Variants in PRORP observed in about 807,000 individuals in gnomAD.
The protein encoded by PRORP is mitochondrial ribonuclease P catalytic subunit.
PRORP carries 51 observed loss-of-function variants against 59.4 expected under a neutral mutation model. That is an observed-to-expected ratio of 0.86 (90% CI 0.69 to 1.08). PRORP has a LOEUF of 1.08. Ranked by LOEUF, PRORP falls within the 50% of genes least tolerant of loss-of-function variation. The pLI is 0.00. For synonymous variants in PRORP, 231 were observed against 245.6 expected (o/e 0.94, Z 0.55); for missense variants, 646 against 690.3 (o/e 0.94, Z 0.72).
intron 5 of PRORP, among the ~76,000 whole-genome samples, chr14:35,184,819 C>T (rs888603737): frequency 3.3e-5 from 5 of 152,152 alleles, no homozygotes; most frequent in African/African-American, 9.7e-5. Context: ...ATAATAGCCT[C>T]CATCTCCATC....
At chr14:35,166,113 T>G (rs1011436431) in intron 4 of PRORP, among the ~76,000 whole-genome samples, 1 of 152,210 alleles carries the variant, frequency 6.6e-6, no homozygotes, top group Admixed American at 6.5e-5. Flanking sequence ...TCTCTGTCCC[T>G]TATATCCATA....
chr14:35,150,687 T>TA (rs1566458080), intron 4 of PRORP, among the ~76,000 whole-genome samples: 1 of 152,190 alleles, frequency 6.6e-6, no homozygotes, highest in Non-Finnish European at 1.5e-5. Flanking sequence ...ACTTTCCTCC[T>TA]AAAGCCTAGC....
intron 5 of PRORP, chr14:35,235,240 C>T (rs905435055): frequency 1.4e-6 from 1 of 726,294 alleles, no homozygotes; most frequent in Non-Finnish European, 2.5e-6. Context: ...GAGCCACAGA[C>T]TTGGGACCCA....
At chr14:35,236,921 C>A (rs2050230251) in intron 5 of PRORP, among the ~76,000 whole-genome samples, 1 of 149,694 alleles carries the variant, frequency 6.7e-6, no homozygotes, top group African/African-American at 2.5e-5. Context: ...CATCTTCTTT[C>A]TTTCTCTCTC....
intron 5 of PRORP, among the ~76,000 whole-genome samples, chr14:35,221,948 G>A (rs777463996): frequency 4.6e-5 from 7 of 152,068 alleles, no homozygotes; most frequent in Non-Finnish European, 7.3e-5. Flanking sequence ...GAATTCATCG[G>A]AAGTAACTAT....
At chr14:35,251,700 G>A (rs771966694) in intron 5 of PRORP, among the ~76,000 whole-genome samples, 3 of 151,912 alleles carry the variant, frequency 2.0e-5, no homozygotes, top group Non-Finnish European at 4.4e-5. Flanking sequence ...GATTACAGGC[G>A]CCCACCACCG....
intron 5 of PRORP, among the ~76,000 whole-genome samples, chr14:35,195,364 T>C (rs947386534): frequency 3.3e-5 from 5 of 151,892 alleles, no homozygotes; most frequent in African/African-American, 1.2e-4. Flanking sequence ...TTTACTGACA[T>C]AGAAAGGTAC....
intron 4 of PRORP, among the ~76,000 whole-genome samples, chr14:35,157,313 A>T (rs548883583): frequency 3.9e-5 from 6 of 152,162 alleles, no homozygotes; most frequent in Admixed American, 2.0e-4. Flanking sequence ...AGACCTGTGG[A>T]TATTTTTGGA....
chr14:35,124,082 G>A lies in PRORP; in HGVS notation c.837G>A (p.Leu279=). Residue 279 remains leucine, a synonymous_variant, in exon 2 of 8, where the codon TTG becomes TTA. Coordinates refer to ENST00000534898, the MANE Select transcript of PRORP (RefSeq NM_014672.4). ...TAGGTCATGATATTGTTCCTATGTT[G>A]GAAACTTTAAAAGCTTTCTTTGATT... is the stretch of plus-strand genomic sequence containing the variant. ...ELLGHDIVPM[L]ETLKAFFDFG... 1 of 1,613,588 alleles carries A rather than the reference G, an allele frequency of 6.2e-7. No homozygotes were observed. Among genetic ancestry groups the A allele is most frequent in the Middle Eastern group, 1.6e-4 (1 of 6,062 alleles).
intron 5 of PRORP, among the ~76,000 whole-genome samples, chr14:35,211,677 C>G (rs1220727812): frequency 2.6e-5 from 4 of 152,140 alleles, no homozygotes; most frequent in African/African-American, 9.7e-5. Context: ...TTTTAAAATA[C>G]TTTATTGCTA....
At position 35,123,053 on chromosome 14, in the gene PRORP, AAACTC is replaced by A. The variant is rs1408150420; in HGVS notation, c.-191_-187del. On this transcript the variant is annotated 5_prime_UTR_variant, in exon 2 of 8. It removes the in-frame stop codon of an upstream open reading frame in the 5' UTR. Transcript: ENST00000534898. ...TCCCCGGATTGTTGTTTAATAGAGA[AAACTC>A]ACCTGCCTTCTTGCTTTTAAGTAGC... 1.6e-6 allele frequency: 1 copy of A among 612,528 alleles called. No individual in the cohort carries two copies. The highest frequency in any genetic ancestry group is 1.8e-5 in the African/African-American group (1 of 54,236). The allele number at this position is 612,528 out of a possible 1,614,324, so 37.9% of individuals were successfully genotyped here. A position where few individuals can be genotyped will look rare whatever the true frequency, so the allele number is the denominator to read the frequency against.
chr14:35,165,928 C>A (rs2048173194), intron 4 of PRORP, among the ~76,000 whole-genome samples: 1 of 152,112 alleles, frequency 6.6e-6, no homozygotes, highest in South Asian at 2.1e-4. Flanking sequence ...GATCTACCCA[C>A]CTCAGCCTCC....
chr14:35,143,859 G>C (rs1229059977), intron 4 of PRORP, among the ~76,000 whole-genome samples: 1 of 145,192 alleles, frequency 6.9e-6, no homozygotes, highest in Non-Finnish European at 1.5e-5. Context: ...TGTTGGTCAG[G>C]CTGGTCTCAA....
chr14:35,218,673 C>T (rs1050358197), intron 5 of PRORP, among the ~76,000 whole-genome samples: 3 of 151,728 alleles, frequency 2.0e-5, no homozygotes, highest in African/African-American at 4.8e-5. Flanking sequence ...ATTACAGGTG[C>T]CACCACCACG....
chr14:35,243,997 C>A lies in PRORP; in HGVS notation c.1276-22730C>A, dbSNP rs144222763. 4.6e-3 allele frequency among the ~76,000 whole-genome samples: 695 copies of A among 152,218 alleles called. 29 individuals carry two copies. Among genetic ancestry groups the A allele is most frequent in the Admixed American group, 0.04 (605 of 15,274 alleles). On this transcript the variant is annotated intron_variant, in intron 5 of 7. Coordinates refer to ENST00000534898, the MANE Select transcript of PRORP (RefSeq NM_014672.4). Reference sequence around the variant, plus strand: ...CTTAAAACAGCTCTTCTACCAAGAACGAACTCAGACCATCCATGTTTCTGC... The same window carrying A: ...CTTAAAACAGCTCTTCTACCAAGAAAGAACTCAGACCATCCATGTTTCTGC...
rs189926793 is a variant in PRORP, at chr14:35,261,242, G to A, written c.1276-5485G>A. On this transcript the variant is annotated intron_variant, in intron 5 of 7. Coordinates refer to ENST00000534898, the MANE Select transcript of PRORP (RefSeq NM_014672.4). The stretch of plus-strand genomic sequence containing the variant: ...CACCATGTCAGTCCTTGTGTACTGA[G>A]GTCCCCAGCCAGTTTGCCATTTTTC... Among the ~76,000 whole-genome samples, 170 of 152,168 alleles carry A rather than the reference G, an allele frequency of 1.1e-3. 1 individual carries two copies. The highest frequency in any genetic ancestry group is 3.8e-3 in the African/African-American group (156 of 41,524).
At chr14:35,128,196 G>A (rs1219581130) in intron 4 of PRORP, among the ~76,000 whole-genome samples, 2 of 151,778 alleles carry the variant, frequency 1.3e-5, no homozygotes, top group African/African-American at 4.8e-5. Context: ...TCTTTTTAAT[G>A]TATTGTTGAA....
intron 5 of PRORP, among the ~76,000 whole-genome samples, chr14:35,204,824 G>T (rs1465712692): frequency 6.6e-6 from 1 of 152,126 alleles, no homozygotes; most frequent in Non-Finnish European, 1.5e-5. Context: ...GGTATTTCCA[G>T]TTGACTTATT....
intron 2 of PRORP, 46 bp from the exon 3 acceptor site, chr14:35,126,689 T>A (rs1407979921): frequency 3.5e-6 from 5 of 1,422,722 alleles, no homozygotes; most frequent in Non-Finnish European, 4.9e-6. Flanking sequence ...TTCATTTCAG[T>A]AGGAATCTAA....
Sources: allele counts gnomAD v4.1 joint callset (sites outside exome capture counted in the v4.1 genomes callset), GRCh38; gene constraint gnomAD v4.1.1; transcripts MANE v1.5; gene names NCBI Gene and HGNC (gene_info 2026-07-23, HGNC 2026-07-21).